USP15: variants seen among roughly 807,000 people sequenced by gnomAD.
USP15 encodes the protein ubiquitin specific peptidase 15, also known as ubiquitin carboxyl-terminal hydrolase 15.
A neutral mutation model predicts 127.1 loss-of-function variants in USP15; 18 were observed. The ratio of observed to expected loss-of-function variants is 0.14; its 90% CI spans 0.10 to 0.21. USP15 has a LOEUF of 0.21. Ranked by LOEUF, USP15 falls within the 10% of genes least tolerant of loss-of-function variation. USP15 has a pLI of 1.00. For synonymous variants in USP15, 364 were observed against 393.7 expected (o/e 0.92, Z 0.89); for missense variants, 805 against 1,159.9 (o/e 0.69, Z 4.44).
At chr12:62,331,863 TACTC>T (rs887886229) in intron 6 of USP15, among the ~76,000 whole-genome samples, 1 of 152,150 alleles carries the variant, frequency 6.6e-6, no homozygotes, top group African/African-American at 2.4e-5. Flanking sequence ...ACCCAAAAAA[TACTC>T]ACTCAAAAGT....
chr12:62,303,022 GA>G, intron 3 of USP15, 102 bp downstream of exon 3: 1 of 1,356,760 alleles, frequency 7.4e-7, no homozygotes, highest in Non-Finnish European at 1.0e-6. Context: ...TTATCTTAGA[GA>G]AAAAGCCAGC....
chr12:62,275,208 A>C (rs561924156), intron 1 of USP15, among the ~76,000 whole-genome samples: 1 of 152,238 alleles, frequency 6.6e-6, no homozygotes, highest in South Asian at 2.1e-4. Flanking sequence ...CCAAGTTGAC[A>C]TGGACTAATA....
At chr12:62,340,826 C>G (rs773039258) in intron 6 of USP15, among the ~76,000 whole-genome samples, 1 of 150,488 alleles carries the variant, frequency 6.6e-6, no homozygotes, top group African/African-American at 2.5e-5. Context: ...AAGTGCCATG[C>G]GGTGCTGAGA....
At chr12:62,276,434 T>C (rs2137072215) in intron 1 of USP15, among the ~76,000 whole-genome samples, 2 of 152,266 alleles carry the variant, frequency 1.3e-5, no homozygotes, top group African/African-American at 4.8e-5. Context: ...GGTACCAAAA[T>C]TTGATCAGCT....
At chr12:62,293,747 T>A (rs1378956325) in intron 1 of USP15, among the ~76,000 whole-genome samples, 3 of 152,218 alleles carry the variant, frequency 2.0e-5, no homozygotes, top group East Asian at 1.9e-4. Flanking sequence ...ATTATTATAA[T>A]TAACCTTGCA....
rs919420395 is a variant in USP15, at chr12:62,414,931, C to T, written c.*10556C>T. 4 of 151,376 alleles carry T rather than the reference C, an allele frequency of 2.6e-5. No homozygotes were observed. Among genetic ancestry groups the T allele is most frequent in the Admixed American group, 1.3e-4 (2 of 15,188 alleles). 9.4% of individuals were successfully genotyped at this position (151,376 alleles called of 1,614,324 possible). A position where few individuals can be genotyped will look rare whatever the true frequency, so the allele number is the denominator to read the frequency against. On this transcript the variant is annotated 3_prime_UTR_variant, in exon 22 of 22. Transcript: ENST00000280377. ...CCAATAGGATGCATATGTGTATACA[C>T]ATATATGTATAGCTCTCTCCCTCAT...
chr12:62,372,885 A>G (rs191723699), intron 8 of USP15, among the ~76,000 whole-genome samples: 22 of 152,202 alleles, frequency 1.4e-4, no homozygotes, highest in Admixed American at 7.2e-4. Flanking sequence ...AACATTTCTT[A>G]ATGTTATTAG....
intron 1 of USP15, among the ~76,000 whole-genome samples, chr12:62,283,508 T>C (rs1404267950): frequency 6.6e-6 from 1 of 152,110 alleles, no homozygotes; most frequent in Non-Finnish European, 1.5e-5. Context: ...ACAAGAACAA[T>C]AGGAATACAA....
chr12:62,330,483 G>C lies in USP15; in HGVS notation c.683+4550G>C, dbSNP rs138620314. On this transcript the variant is annotated intron_variant, in intron 6 of 21. Coordinates refer to ENST00000280377, the MANE Select transcript of USP15 (RefSeq NM_001252078.2). ...GCCTGTAACCCCAGCTATTCAGGAG[G>C]CTGAGGCAAGGAGAATTGCTTGAAC... 8.6e-4 allele frequency among the ~76,000 whole-genome samples: 131 copies of C among 151,588 alleles called. 2 individuals are homozygous for C. In the East Asian group the frequency reaches 8.9e-3, roughly 10 times the overall value.
chr12:62,321,478 GA>G lies in USP15; in HGVS notation c.493del (p.Ile165Ter). On this transcript the variant is annotated frameshift_variant, in exon 5 of 22. Coordinates refer to ENST00000280377, the MANE Select transcript of USP15 (RefSeq NM_001252078.2). LOFTEE classifies it high-confidence loss of function. The part of the protein sequence containing the change: ...KADTIDTIEK[E>X]IRKIFSIPDE... ...CTTAAATCTAGATACAATTGAAAAG[GA>G]AATAAGAAAAATCTTCAGTATTCCA... The G allele has an allele frequency of 6.3e-7, 1 of 1,580,504 alleles. No homozygotes were observed. The highest frequency in any genetic ancestry group is 1.2e-5 in the South Asian group (1 of 86,788).
rs763628073 is a variant in USP15 at position 62,321,478 on chromosome 12, G to A, written c.490G>A (p.Glu164Lys). 10 of 1,580,504 alleles carry A rather than the reference G, an allele frequency of 6.3e-6. No individual in the cohort carries two copies. Among genetic ancestry groups the A allele is most frequent in the South Asian group, 1.2e-5 (1 of 86,788 alleles). Residue 164 changes from glutamate to lysine, a missense_variant, in exon 5 of 22, where the codon GAA becomes AAA. Physicochemically the swap from Glu to Lys is moderately conservative, Grantham distance 56 (BLOSUM62 1). Coordinates refer to ENST00000280377, the MANE Select transcript of USP15 (RefSeq NM_001252078.2). Reference protein sequence around the residue: ...KADTIDTIEKEIRKIFSIPDE... With the variant: ...KADTIDTIEKKIRKIFSIPDE... ...CTTAAATCTAGATACAATTGAAAAG[G>A]AAATAAGAAAAATCTTCAGTATTCC... is the stretch of plus-strand genomic sequence containing the variant.
At position 62,355,316 on chromosome 12, in the gene USP15, T is replaced by G. The variant is rs757409389; in HGVS notation, c.771-15T>G. ...AATATAATTGGCTGCATTATGAAAA[T>G]TTTTTTTCTTCCAGTGTGAAAAACT... On this transcript the variant is annotated splice_polypyrimidine_tract_variant and intron_variant, in intron 7 of 21. Coordinates refer to ENST00000280377, the MANE Select transcript of USP15 (RefSeq NM_001252078.2). The G allele has an allele frequency of 4.1e-5, 64 of 1,568,842 alleles. No homozygotes were observed. Among genetic ancestry groups the G allele is most frequent in the Non-Finnish European group, 5.3e-5 (62 of 1,159,228 alleles).
chr12:62,363,125 T>A (rs1213990823), intron 8 of USP15, among the ~76,000 whole-genome samples: 1 of 152,182 alleles, frequency 6.6e-6, no homozygotes, highest in African/African-American at 2.4e-5. Context: ...TTCAGGCTAC[T>A]ATCTTCTTAA....
intron 8 of USP15, among the ~76,000 whole-genome samples, chr12:62,364,967 T>C (rs2066431786): frequency 6.6e-6 from 1 of 152,200 alleles, no homozygotes; most frequent in African/African-American, 2.4e-5. Flanking sequence ...TTGATGGACA[T>C]TTGGGTTGGT....
At chr12:62,281,444 C>T (rs1486742936) in intron 1 of USP15, among the ~76,000 whole-genome samples, 3 of 152,146 alleles carry the variant, frequency 2.0e-5, no homozygotes, top group Non-Finnish European at 2.9e-5. Flanking sequence ...TCAAGCAATT[C>T]TTGTGCCTCA....
At chr12:62,287,405 A>T (rs1225128395) in intron 1 of USP15, among the ~76,000 whole-genome samples, 1 of 152,190 alleles carries the variant, frequency 6.6e-6, no homozygotes, top group Non-Finnish European at 1.5e-5. Context: ...CCACATTTAA[A>T]TGAGTTTTTT....
intron 20 of USP15, among the ~76,000 whole-genome samples, chr12:62,400,213 A>G (rs993420469): frequency 1.3e-5 from 2 of 152,194 alleles, no homozygotes; most frequent in Admixed American, 1.3e-4. Flanking sequence ...ACTTAAAGAT[A>G]AAGCAGATCT....
intron 6 of USP15, chr12:62,335,434 A>G (rs2065431425): frequency 2.2e-6 from 3 of 1,374,340 alleles, no homozygotes; most frequent in Non-Finnish European, 2.8e-6. Flanking sequence ...GACCACATCC[A>G]TCCTTAGCTC....
At chr12:62,297,626 T>G (rs2064173081) in intron 2 of USP15, among the ~76,000 whole-genome samples, 2 of 152,132 alleles carry the variant, frequency 1.3e-5, no homozygotes, top group Admixed American at 6.6e-5. Flanking sequence ...AAAAGACATA[T>G]CCACAAAAAA....
Sources: allele counts gnomAD v4.1 joint callset (sites outside exome capture counted in the v4.1 genomes callset), GRCh38; gene constraint gnomAD v4.1.1; transcripts MANE v1.5; gene names NCBI Gene and HGNC (gene_info 2026-07-23, HGNC 2026-07-21).